PARVA: variants seen among roughly 807,000 people sequenced by gnomAD.
The protein encoded by PARVA is parvin alpha, also known as alpha-parvin.
PARVA carries 25 observed loss-of-function variants against 52.6 expected under a neutral mutation model. That is an observed-to-expected ratio of 0.48 (90% CI 0.35 to 0.66). The LOEUF (loss-of-function observed/expected upper bound fraction) is 0.66. Among genes scored for constraint, PARVA ranks in the 30% least tolerant of loss-of-function variants. The probability of loss-of-function intolerance (pLI) is 0.01; values close to 1 mark genes in which losing one functional copy is unlikely to be tolerated. For synonymous variants in PARVA, 185 were observed against 179.1 expected (o/e 1.03, Z -0.26); for missense variants, 373 against 450.9 (o/e 0.83, Z 1.56).
chr11:12,504,629 C>G (rs1456911519), intron 6 of PARVA, among the ~76,000 whole-genome samples, 200 bp downstream of exon 6: 1 of 152,002 alleles, frequency 6.6e-6, no homozygotes, highest in Non-Finnish European at 1.5e-5. Flanking sequence ...GATGGAAGAG[C>G]GTGTGCTTGT....
chr11:12,514,486 CTGTTT>C (rs1393067639), intron 10 of PARVA, among the ~76,000 whole-genome samples: 17 of 152,100 alleles, frequency 1.1e-4, no homozygotes, highest in South Asian at 2.1e-4. Context: ...TTTTTGTTTT[CTGTTT>C]TGTTTTGTTT....
chr11:12,508,851 C>T (rs190822637), intron 7 of PARVA, among the ~76,000 whole-genome samples: 6 of 152,202 alleles, frequency 3.9e-5, no homozygotes, highest in South Asian at 2.1e-4. Flanking sequence ...AGTAGGGAGA[C>T]GGAATTAGCA....
chr11:12,442,722 G>C (rs940242724), intron 1 of PARVA, among the ~76,000 whole-genome samples: 2 of 152,076 alleles, frequency 1.3e-5, no homozygotes, highest in African/African-American at 2.4e-5. Flanking sequence ...GAGGGGAAAA[G>C]AGCCTCCCCA....
intron 1 of PARVA, among the ~76,000 whole-genome samples, chr11:12,405,620 G>A (rs1213678023): frequency 6.6e-6 from 1 of 152,020 alleles, no homozygotes; most frequent in African/African-American, 2.4e-5. Flanking sequence ...ATTAATATTT[G>A]GATATGTTTT....
chr11:12,431,941 C>T (rs1010686011), intron 1 of PARVA, among the ~76,000 whole-genome samples: 2 of 152,226 alleles, frequency 1.3e-5, no homozygotes, highest in Non-Finnish European at 2.9e-5. Flanking sequence ...CCTTGGTCCT[C>T]ACAGAGGTGA....
At chr11:12,396,919 A>T (rs1454399355) in intron 1 of PARVA, among the ~76,000 whole-genome samples, 3 of 118,036 alleles carry the variant, frequency 2.5e-5, no homozygotes, top group African/African-American at 3.7e-5. Context: ...CTTTCCTTTC[A>T]TGTACTTGTT....
chr11:12,464,702 T>TC (rs1222770104), intron 1 of PARVA, among the ~76,000 whole-genome samples: 38 of 152,338 alleles, frequency 2.5e-4, no homozygotes, highest in African/African-American at 9.1e-4. Flanking sequence ...CATTAAGGTT[T>TC]ACTCCTTGTT....
At chr11:12,424,319 T>C (rs1940195843) in intron 1 of PARVA, among the ~76,000 whole-genome samples, 1 of 151,884 alleles carries the variant, frequency 6.6e-6, no homozygotes, top group African/African-American at 2.4e-5. Flanking sequence ...TCCATTTCCA[T>C]CTTTCCTGTA....
At chr11:12,470,748 C>A (rs1375808576) in intron 1 of PARVA, among the ~76,000 whole-genome samples, 1 of 152,118 alleles carries the variant, frequency 6.6e-6, no homozygotes, top group Non-Finnish European at 1.5e-5. Context: ...TAGAATAAAA[C>A]CTCAGCTCCT....
At chr11:12,514,471 G>A (rs996043586) in intron 10 of PARVA, among the ~76,000 whole-genome samples, 6 of 152,062 alleles carry the variant, frequency 3.9e-5, no homozygotes, top group East Asian at 1.9e-4. Flanking sequence ...GCTGACATTC[G>A]ACTGTTTTTG....
chr11:12,454,576 T>TG (rs1940670440), intron 1 of PARVA, among the ~76,000 whole-genome samples: 1 of 142,750 alleles, frequency 7.0e-6, no homozygotes, highest in African/African-American at 2.6e-5. Context: ...AAGTATCATT[T>TG]AAAAAAAAAA....
intron 12 of PARVA, among the ~76,000 whole-genome samples, chr11:12,526,718 T>C (rs980894995): frequency 2.6e-5 from 4 of 152,232 alleles, no homozygotes; most frequent in African/African-American, 9.6e-5. Context: ...TGCTTTTCTT[T>C]ATAATTTTAT....
intron 5 of PARVA, among the ~76,000 whole-genome samples, chr11:12,500,309 T>A (rs551009831): frequency 6.6e-6 from 1 of 152,200 alleles, no homozygotes; most frequent in East Asian, 1.9e-4. Flanking sequence ...CTTACTCTTA[T>A]CCCATATGTT....
chr11:12,527,149 A>G (rs564489338), intron 12 of PARVA, among the ~76,000 whole-genome samples: 1 of 152,200 alleles, frequency 6.6e-6, no homozygotes, highest in African/African-American at 2.4e-5. Flanking sequence ...AAGATACACT[A>G]AACTTTCCAC....
At chr11:12,492,079 A>G (rs1329474828) in intron 4 of PARVA, among the ~76,000 whole-genome samples, 2 of 152,222 alleles carry the variant, frequency 1.3e-5, no homozygotes, top group Non-Finnish European at 2.9e-5. Flanking sequence ...TAGTTCTTGA[A>G]GGGTGGTTAC....
At chr11:12,473,099 T>G (rs1268169185) in intron 1 of PARVA, among the ~76,000 whole-genome samples, 1 of 152,096 alleles carries the variant, frequency 6.6e-6, no homozygotes, top group Non-Finnish European at 1.5e-5. Flanking sequence ...GCTGAGGAAA[T>G]GGGCCAAGAG....
intron 1 of PARVA, among the ~76,000 whole-genome samples, chr11:12,448,084 G>A (rs557682121): frequency 7.2e-5 from 11 of 152,264 alleles, no homozygotes; most frequent in African/African-American, 2.6e-4. Context: ...TTTATAATGT[G>A]TATAAATTAC....
intron 4 of PARVA, among the ~76,000 whole-genome samples, chr11:12,483,931 C>A (rs569072265): frequency 5.3e-5 from 8 of 152,316 alleles, no homozygotes; most frequent in African/African-American, 1.9e-4. Context: ...CTTCCTACCC[C>A]AGCCAAAAAG....
intron 1 of PARVA, among the ~76,000 whole-genome samples, chr11:12,457,573 G>C (rs866293631): frequency 5.3e-5 from 8 of 152,146 alleles, no homozygotes; most frequent in African/African-American, 1.4e-4. Context: ...TTAAAGCCCA[G>C]ACCCTCTGAT....
Sources: gnomAD v4.1 joint callset for allele counts (sites outside exome capture counted in the v4.1 genomes callset) on GRCh38, gnomAD v4.1.1 for gene constraint, MANE v1.5 for transcripts, NCBI Gene and HGNC (gene_info 2026-07-23, HGNC 2026-07-21) for gene names.